GRIK1: variants seen among roughly 807,000 people sequenced by gnomAD.
The protein encoded by GRIK1 is glutamate receptor ionotropic, kainate 1.
A neutral mutation model predicts 105.7 loss-of-function variants in GRIK1; 69 were observed. The observed-to-expected ratio is 0.65, with a 90% CI of 0.54 to 0.80. GRIK1 has a LOEUF of 0.80. GRIK1 is among the 30% of genes least tolerant of loss of function. The probability of loss-of-function intolerance (pLI) is 0.00; values close to 1 mark genes in which losing one functional copy is unlikely to be tolerated. For missense variants in GRIK1, 1,109 were observed against 1,167.3 expected, an observed-to-expected ratio of 0.95 and a Z score of 0.73; for synonymous variants, 438 against 431.3, an observed-to-expected ratio of 1.02 and a Z score of -0.19.
At chr21:29,769,511 G>A (rs978343238) in intron 1 of GRIK1, among the ~76,000 whole-genome samples, 1 of 152,144 alleles carries the variant, frequency 6.6e-6, no homozygotes, top group Non-Finnish European at 1.5e-5. Context: ...ATTCTCATAA[G>A]GAGTGTGCAA....
intron 15 of GRIK1, 87 bp from the exon 16 acceptor site, chr21:29,555,389 T>A: frequency 7.9e-7 from 1 of 1,261,408 alleles, no homozygotes; most frequent in South Asian, 1.4e-5. Flanking sequence ...TTGTCATAAC[T>A]ATGTTACGGC....
chr21:29,795,135 A>T (rs532083346), intron 1 of GRIK1, among the ~76,000 whole-genome samples: 58 of 143,522 alleles, frequency 4.0e-4, no homozygotes, highest in Admixed American at 9.1e-4. Flanking sequence ...TCCCAGGTTC[A>T]AGTGATTGTC....
At chr21:29,573,578 A>G (rs1326306386) in intron 14 of GRIK1, among the ~76,000 whole-genome samples, 1 of 152,034 alleles carries the variant, frequency 6.6e-6, no homozygotes, top group Non-Finnish European at 1.5e-5. Context: ...GGCCGGGCGC[A>G]GTGGCTCACG....
At chr21:29,744,417 T>C (rs780645072) in intron 1 of GRIK1, among the ~76,000 whole-genome samples, 18 of 152,182 alleles carry the variant, frequency 1.2e-4, no homozygotes, top group Non-Finnish European at 2.2e-4. Context: ...TGTGGTGGAG[T>C]TGACGCATGC....
At chr21:29,792,779 C>A (rs1006219213) in intron 1 of GRIK1, among the ~76,000 whole-genome samples, 1 of 152,144 alleles carries the variant, frequency 6.6e-6, no homozygotes, top group Non-Finnish European at 1.5e-5. Flanking sequence ...ATTCATGATG[C>A]GACTTAGTAT....
At chr21:29,870,260 A>G (rs1194434846) in intron 1 of GRIK1, among the ~76,000 whole-genome samples, 2 of 152,068 alleles carry the variant, frequency 1.3e-5, no homozygotes, top group East Asian at 1.9e-4. Context: ...TGTTTTTTTA[A>G]TTGAGATAAG....
intron 4 of GRIK1, among the ~76,000 whole-genome samples, chr21:29,665,141 C>A (rs1184847415): frequency 6.6e-6 from 1 of 152,114 alleles, no homozygotes; most frequent in Non-Finnish European, 1.5e-5. Flanking sequence ...TGAAGCAAAT[C>A]TAAGTCCTTT....
chr21:29,929,899 G>C (rs2071508921), intron 1 of GRIK1, among the ~76,000 whole-genome samples: 1 of 152,184 alleles, frequency 6.6e-6, no homozygotes, highest in South Asian at 2.1e-4. Flanking sequence ...CAGTAGCCAA[G>C]ATGCAGAGTC....
At chr21:29,798,725 C>G (rs909973154) in intron 1 of GRIK1, among the ~76,000 whole-genome samples, 2 of 152,208 alleles carry the variant, frequency 1.3e-5, no homozygotes, top group Admixed American at 1.3e-4. Context: ...AAATACTCCT[C>G]GGCATGTCCA....
intron 1 of GRIK1, among the ~76,000 whole-genome samples, chr21:29,785,070 C>G (rs899368130): frequency 6.6e-6 from 1 of 152,144 alleles, no homozygotes; most frequent in African/African-American, 2.4e-5. Context: ...ATAAACAATT[C>G]AGAAATGGTT....
At chr21:29,923,272 C>A (rs1027200234) in intron 1 of GRIK1, among the ~76,000 whole-genome samples, 1 of 152,122 alleles carries the variant, frequency 6.6e-6, no homozygotes, top group Non-Finnish European at 1.5e-5. Flanking sequence ...CAGTTGCAAG[C>A]TTTTCTCAGG....
chr21:29,838,258 G>A (rs2067865824), intron 1 of GRIK1, among the ~76,000 whole-genome samples: 1 of 152,088 alleles, frequency 6.6e-6, no homozygotes, highest in Non-Finnish European at 1.5e-5. Context: ...CTAACCAACT[G>A]GGGGCTGCAG....
chr21:29,847,609 A>G (rs1601842553), intron 1 of GRIK1, among the ~76,000 whole-genome samples: 2 of 152,198 alleles, frequency 1.3e-5, no homozygotes, highest in East Asian at 3.9e-4. Flanking sequence ...AAACAAACAA[A>G]AACACGAAAC....
intron 1 of GRIK1, among the ~76,000 whole-genome samples, chr21:29,810,428 G>GC (rs11414599): frequency 1 from 152,308 of 152,308 alleles, 76,154 homozygotes; most frequent in Non-Finnish European, 1. Flanking sequence ...GTGCCGATAG[G>GC]TTGCTCAATG....
chr21:29,560,364 T>TCTTTTTCTTTCTTCCTTCCTTC (rs2090394814), intron 15 of GRIK1, among the ~76,000 whole-genome samples: 2 of 35,886 alleles, frequency 5.6e-5, no homozygotes, highest in Non-Finnish European at 5.2e-5. Flanking sequence ...TCTTTTTCTT[T>TCTTTTTCTTTCTTCCTTCCTTC]CTTCCTTCCT....
chr21:29,727,802 G>A (rs113349070), intron 1 of GRIK1, among the ~76,000 whole-genome samples: 1,532 of 152,254 alleles, frequency 0.01, 26 homozygotes, highest in African/African-American at 0.035. Context: ...ATGAGGGATT[G>A]GTTCACACAG....
intron 1 of GRIK1, among the ~76,000 whole-genome samples, chr21:29,819,665 A>G (rs758949651): frequency 1.3e-5 from 2 of 152,042 alleles, no homozygotes; most frequent in African/African-American, 2.4e-5. Context: ...CTATAAGGTC[A>G]TCATAATTCC....
intron 1 of GRIK1, among the ~76,000 whole-genome samples, chr21:29,926,664 T>C (rs1196685532): frequency 6.6e-6 from 1 of 151,760 alleles, no homozygotes; most frequent in Non-Finnish European, 1.5e-5. Context: ...AAATTATATA[T>C]ATATACACAT....
At chr21:29,689,270 A>G (rs528724951) in intron 3 of GRIK1, among the ~76,000 whole-genome samples, 2 of 152,302 alleles carry the variant, frequency 1.3e-5, no homozygotes, top group East Asian at 3.9e-4. Flanking sequence ...TCCCTTTCCC[A>G]TGACATAATC....
Sources: allele counts gnomAD v4.1 joint callset (sites outside exome capture counted in the v4.1 genomes callset), GRCh38; gene constraint gnomAD v4.1.1; transcripts MANE v1.5; gene names NCBI Gene and HGNC (gene_info 2026-07-23, HGNC 2026-07-21).